Variants in CNTN5 observed in about 807,000 individuals in gnomAD.
The protein encoded by CNTN5 is contactin 5, also known as contactin-5.
In CNTN5, 77 loss-of-function variants were observed where a neutral mutation model predicts 129.1. The ratio of observed to expected loss-of-function variants is 0.60; its 90% CI spans 0.50 to 0.72. The LOEUF (loss-of-function observed/expected upper bound fraction) is 0.72. CNTN5 is among the 30% of genes least tolerant of loss of function. CNTN5 has a pLI of 0.00. For synonymous variants in CNTN5, 509 were observed against 465.6 expected (o/e 1.09, Z -1.20); for missense variants, 1,478 against 1,328.8 (o/e 1.11, Z -1.75).
At chr11:99,289,938 A>G (rs1864098844) in intron 1 of CNTN5, among the ~76,000 whole-genome samples, 1 of 151,792 alleles carries the variant, frequency 6.6e-6, no homozygotes, top group South Asian at 2.1e-4. Context: ...CTCCTCGTGA[A>G]CTTACATTAC....
intron 3 of CNTN5, among the ~76,000 whole-genome samples, chr11:99,590,204 C>T (rs1343497206): frequency 6.6e-6 from 1 of 152,024 alleles, no homozygotes; most frequent in Non-Finnish European, 1.5e-5. Context: ...TCAAATAAAG[C>T]ATAAAAGCAT....
chr11:99,526,536 A>G (rs1565261858), intron 2 of CNTN5, among the ~76,000 whole-genome samples: 1 of 152,224 alleles, frequency 6.6e-6, no homozygotes, highest in Non-Finnish European at 1.5e-5. Context: ...ACAGTGATGC[A>G]TTGATAGTTT....
chr11:99,376,157 G>A (rs780625418), intron 2 of CNTN5, among the ~76,000 whole-genome samples: 2 of 152,182 alleles, frequency 1.3e-5, no homozygotes, highest in Admixed American at 6.5e-5. Flanking sequence ...TTTGGATATT[G>A]CATATGAAGA....
At chr11:99,906,502 G>T (rs1949510931) in intron 6 of CNTN5, among the ~76,000 whole-genome samples, 1 of 152,080 alleles carries the variant, frequency 6.6e-6, no homozygotes, top group Admixed American at 6.6e-5. Context: ...GATCTGATAA[G>T]CTGGTGGTGG....
At chr11:99,408,236 A>G (rs1385305682) in intron 2 of CNTN5, among the ~76,000 whole-genome samples, 1 of 151,282 alleles carries the variant, frequency 6.6e-6, no homozygotes, top group East Asian at 2.0e-4. Flanking sequence ...ATTAGATACA[A>G]GAGACTGTGT....
chr11:99,173,077 G>A (rs1857609856), intron 1 of CNTN5, among the ~76,000 whole-genome samples: 1 of 152,138 alleles, frequency 6.6e-6, no homozygotes, highest in Non-Finnish European at 1.5e-5. Flanking sequence ...ATCAGATCTT[G>A]TGAGACCCAC....
At chr11:99,631,725 C>CACAT (rs1951360072) in intron 3 of CNTN5, among the ~76,000 whole-genome samples, 1 of 151,624 alleles carries the variant, frequency 6.6e-6, no homozygotes, top group South Asian at 2.1e-4. Context: ...AAGACACACA[C>CACAT]ATACAAACTG....
At chr11:100,255,274 T>C (rs1040542304) in intron 16 of CNTN5, among the ~76,000 whole-genome samples, 3 of 152,230 alleles carry the variant, frequency 2.0e-5, no homozygotes, top group Non-Finnish European at 4.4e-5. Flanking sequence ...GTCTAAGCTA[T>C]GTGTACTTGA....
intron 15 of CNTN5, among the ~76,000 whole-genome samples, chr11:100,215,966 G>T (rs1455170759): frequency 1.3e-5 from 2 of 152,110 alleles, no homozygotes; most frequent in African/African-American, 2.4e-5. Flanking sequence ...AGAGATCGAA[G>T]GTGAAAAAGA....
At chr11:99,184,795 C>T (rs762616773) in intron 1 of CNTN5, among the ~76,000 whole-genome samples, 25 of 152,006 alleles carry the variant, frequency 1.6e-4, no homozygotes, top group Non-Finnish European at 3.4e-4. Context: ...AATAATATCC[C>T]AGCCCTATAC....
At chr11:99,858,965 T>C in intron 6 of CNTN5, among the ~76,000 whole-genome samples, 1 of 7,628 alleles carries the variant, frequency 1.3e-4, no homozygotes, top group East Asian at 3.3e-3. Flanking sequence ...AGGCATTATT[T>C]ACATTTCTAA....
intron 13 of CNTN5, among the ~76,000 whole-genome samples, chr11:100,149,421 C>T (rs1469241950): frequency 6.6e-6 from 1 of 152,084 alleles, no homozygotes; most frequent in Non-Finnish European, 1.5e-5. Flanking sequence ...GTGATCCATT[C>T]TGTTGAAGAT....
intron 1 of CNTN5, among the ~76,000 whole-genome samples, chr11:99,231,772 A>G (rs922224223): frequency 6.6e-6 from 1 of 152,150 alleles, no homozygotes; most frequent in Non-Finnish European, 1.5e-5. Context: ...TAGGGTTTAT[A>G]TAATTTTGGG....
chr11:99,683,342 T>C (rs1953643751), intron 3 of CNTN5, among the ~76,000 whole-genome samples: 1 of 151,952 alleles, frequency 6.6e-6, no homozygotes, highest in Non-Finnish European at 1.5e-5. Flanking sequence ...TTAAGTTTTA[T>C]GTTTTCCATA....
intron 3 of CNTN5, among the ~76,000 whole-genome samples, chr11:99,599,365 T>C (rs1424905736): frequency 6.6e-6 from 1 of 152,100 alleles, no homozygotes; most frequent in Non-Finnish European, 1.5e-5. Flanking sequence ...TTAACATTGA[T>C]TTAGCCATTT....
intron 13 of CNTN5, among the ~76,000 whole-genome samples, chr11:100,157,646 T>C (rs1555024759): frequency 6.6e-6 from 1 of 151,740 alleles, no homozygotes; most frequent in Non-Finnish European, 1.5e-5. Context: ...AAGATTCACA[T>C]AAAGAAAGAA....
At chr11:100,065,922 G>A (rs1414463341) in intron 10 of CNTN5, among the ~76,000 whole-genome samples, 3 of 151,960 alleles carry the variant, frequency 2.0e-5, no homozygotes, top group African/African-American at 7.3e-5. Context: ...AGCTGTTAAA[G>A]TATATTAAAT....
At chr11:99,271,951 C>T (rs555018849) in intron 1 of CNTN5, among the ~76,000 whole-genome samples, 1 of 151,966 alleles carries the variant, frequency 6.6e-6, no homozygotes, top group African/African-American at 2.4e-5. Flanking sequence ...AAGAAATGCA[C>T]CACAATCAAA....
At chr11:99,642,855 C>T (rs778407086) in intron 3 of CNTN5, among the ~76,000 whole-genome samples, 3 of 152,124 alleles carry the variant, frequency 2.0e-5, no homozygotes, top group Non-Finnish European at 2.9e-5. Flanking sequence ...GGTATTAGCC[C>T]TGTGCTTGAC....
Sources: gnomAD v4.1 joint callset for allele counts (sites outside exome capture counted in the v4.1 genomes callset) on GRCh38, gnomAD v4.1.1 for gene constraint, MANE v1.5 for transcripts, NCBI Gene and HGNC (gene_info 2026-07-23, HGNC 2026-07-21) for gene names.